SIN3A: variants seen among roughly 807,000 people sequenced by gnomAD.
The protein encoded by SIN3A is SIN3 transcription regulator family member A, also known as paired amphipathic helix protein Sin3a.
A neutral mutation model predicts 146.1 loss-of-function variants in SIN3A; 14 were observed. The observed-to-expected ratio is 0.10, with a 90% CI of 0.06 to 0.15. SIN3A has a LOEUF of 0.15. Ranked by LOEUF, SIN3A falls within the 10% of genes least tolerant of loss-of-function variation. The probability of loss-of-function intolerance (pLI) is 1.00; values close to 1 mark genes in which losing one functional copy is unlikely to be tolerated. For missense variants in SIN3A, 1,028 were observed against 1,576.0 expected, an observed-to-expected ratio of 0.65 and a Z score of 5.89; for synonymous variants, 572 against 572.0, an observed-to-expected ratio of 1.00 and a Z score of 0.00.
At position 75,403,710 on chromosome 15, in the gene SIN3A, T is replaced by G. The variant is rs191256560; in HGVS notation, c.1408-1740A>C. 2.2e-3 allele frequency among the ~76,000 whole-genome samples: 328 copies of G among 151,658 alleles called. 2 individuals carry two copies. The highest frequency in any genetic ancestry group is 7.4e-3 in the African/African-American group (305 of 41,392). Reference sequence around the variant, plus strand: ...CACCTGCCACAACGCCCAGCTAATGTTTTTTTTGTATTTTTAGTAGAGACG... The same window carrying G: ...CACCTGCCACAACGCCCAGCTAATGGTTTTTTTGTATTTTTAGTAGAGACG... On this transcript the variant is annotated intron_variant, in intron 9 of 20. Transcript: ENST00000394947.
At chr15:75,428,871 T>A (rs567721974) in intron 2 of SIN3A, among the ~76,000 whole-genome samples, 1 of 152,204 alleles carries the variant, frequency 6.6e-6, no homozygotes, top group Non-Finnish European at 1.5e-5. Context: ...TAACCCTTCA[T>A]CTTCTTTCTC....
At chr15:75,419,955 T>C (rs899685828) in intron 3 of SIN3A, 1 of 152,176 alleles carries the variant, frequency 6.6e-6, no homozygotes, top group Non-Finnish European at 1.5e-5. Context: ...ACCTAAAGCA[T>C]AGTCCAACTC....
At position 75,410,136 on chromosome 15, in the gene SIN3A, C is replaced by T. The variant is rs1010772312; in HGVS notation, c.1159G>A (p.Val387Met). 3.1e-6 allele frequency: 5 copies of T among 1,613,674 alleles called. No homozygotes were observed. The highest frequency in any genetic ancestry group is 1.7e-5 in the Admixed American group (1 of 59,952). Residue 387 changes from valine (V) to methionine (M), a missense_variant and splice_region_variant, in exon 7 of 21, where the codon GTG (valine) becomes ATG (methionine). Around this residue, in one of 9 missense-constraint regions of SIN3A, gnomAD observed 40 missense variants for 74.0 expected, o/e 0.54. Transcript: ENST00000394947. ...TAATTCTTATTAAAAAAACATACCA[C>T]GGAGCTGTTGGCATCTGGTAGGAAT... ...GQFLPDANSSVLLSKTTAEKV... is the reference protein window; with the variant it reads ...GQFLPDANSSMLLSKTTAEKV...
chr15:75,413,523 C>T (rs922664920), intron 4 of SIN3A, among the ~76,000 whole-genome samples: 2 of 151,060 alleles, frequency 1.3e-5, no homozygotes, highest in African/African-American at 4.9e-5. Flanking sequence ...TAGTTTTAGA[C>T]TCAAAGATAC....
intron 1 of SIN3A, among the ~76,000 whole-genome samples, chr15:75,450,854 G>GCCT (rs1334952736): frequency 1.3e-5 from 2 of 152,220 alleles, no homozygotes; most frequent in Non-Finnish European, 2.9e-5. Context: ...TTGCCAAGGA[G>GCCT]GCGGAAACCC....
At chr15:75,427,596 G>T (rs1294154821) in intron 2 of SIN3A, among the ~76,000 whole-genome samples, 2 of 151,990 alleles carry the variant, frequency 1.3e-5, no homozygotes, top group Non-Finnish European at 2.9e-5. Flanking sequence ...GAAGGCAGAG[G>T]CTGCACTGAG....
rs750028129 is a variant in SIN3A at position 75,411,507 on chromosome 15, A to T, written c.993T>A (p.Ile331=). ...CACTCCTTACCTGATATGTGTGCAA[A>T]ATCTCCAGGAATGCTTTGTAGATGT... is the stretch of plus-strand genomic sequence containing the variant. The part of the protein sequence containing the change: ...QPDIYKAFLE[I]LHTYQKEQRN... The change falls in exon 6 of 21, where the codon ATT becomes ATA. Residue 331 remains isoleucine, a synonymous_variant. Transcript: ENST00000394947. The T allele has an allele frequency of 6.2e-7, 1 of 1,613,926 alleles. No homozygotes were observed. The highest frequency in any genetic ancestry group is 8.5e-7 in the Non-Finnish European group (1 of 1,179,888).
chr15:75,442,824 T>C (rs1252268901), intron 1 of SIN3A, among the ~76,000 whole-genome samples: 4 of 148,382 alleles, frequency 2.7e-5, no homozygotes. Context: ...CCCAGCTACT[T>C]GGGAGGCTAA....
At chr15:75,425,192 A>G (rs1158767894) in intron 2 of SIN3A, among the ~76,000 whole-genome samples, 1 of 152,158 alleles carries the variant, frequency 6.6e-6, no homozygotes, top group Non-Finnish European at 1.5e-5. Flanking sequence ...TTTGTTTTTG[A>G]AACACTCTCG....
chr15:75,439,662 G>A (rs994330902), intron 1 of SIN3A, among the ~76,000 whole-genome samples: 1 of 151,608 alleles, frequency 6.6e-6, no homozygotes, highest in Non-Finnish European at 1.5e-5. Flanking sequence ...CTTCTTTTAC[G>A]GCATATGATA....
chr15:75,395,967 T>C (rs2073295183), intron 13 of SIN3A, among the ~76,000 whole-genome samples: 1 of 152,144 alleles, frequency 6.6e-6, no homozygotes, highest in Non-Finnish European at 1.5e-5. Context: ...GTCCTGAGTG[T>C]GGCAGGAACA....
chr15:75,447,069 T>C (rs982666837), intron 1 of SIN3A, among the ~76,000 whole-genome samples: 9 of 152,174 alleles, frequency 5.9e-5, no homozygotes, highest in Non-Finnish European at 4.4e-5. Flanking sequence ...GCCCAGCTCA[T>C]TACAGACATA....
At chr15:75,423,191 T>C (rs555589297) in intron 2 of SIN3A, among the ~76,000 whole-genome samples, 48 of 152,190 alleles carry the variant, frequency 3.2e-4, no homozygotes, top group African/African-American at 1.1e-3. Context: ...AGGAGGAGGA[T>C]TGCTTGAGTC....
intron 9 of SIN3A, among the ~76,000 whole-genome samples, chr15:75,403,149 G>A (rs894883221): frequency 1.3e-5 from 2 of 151,778 alleles, no homozygotes; most frequent in African/African-American, 2.4e-5. Context: ...CCAGCTGGGC[G>A]CAGTGGCTCA....
intron 1 of SIN3A, among the ~76,000 whole-genome samples, chr15:75,449,765 C>A (rs1045975344): frequency 6.6e-6 from 1 of 152,130 alleles, no homozygotes; most frequent in Non-Finnish European, 1.5e-5. Context: ...ATAGCAAATT[C>A]TTTAGGAAAC....
intron 1 of SIN3A, among the ~76,000 whole-genome samples, chr15:75,440,567 C>T (rs2074189827): frequency 6.6e-6 from 1 of 152,022 alleles, no homozygotes; most frequent in South Asian, 2.1e-4. Context: ...TCCGTACTTT[C>T]CTGGACACTG....
Position 75,375,827 on chromosome 15 carries a change from C to G in SIN3A, c.3429G>C (p.Gln1143His). 1.2e-6 allele frequency: 2 copies of G among 1,614,168 alleles called. No homozygotes were observed. ...TGTTTCCTTCCTTCCCTTCCTTTTC[C>G]TGCTGCTCTCGACCACGTTGACACT... The part of the protein sequence containing the change: ...IRKCQRGREQ[Q>H]EKEGKEGNSK... The change falls in exon 20 of 21, where the codon CAG (glutamine) becomes CAC (histidine). Residue 1143 changes from glutamine to histidine, a missense_variant. By Grantham distance (24) the Gln-to-His change is conservative (BLOSUM62 0). This residue lies in a region of SIN3A where 488 missense variants were observed against 690.2 expected (regional missense o/e 0.71). Transcript: ENST00000394947.
rs2073230356 is a variant in SIN3A, at chr15:75,392,758, G to A, written c.2335C>T (p.Leu779Phe). 5 of 1,614,124 alleles carry A rather than the reference G, an allele frequency of 3.1e-6. No individual in the cohort carries two copies. The highest frequency in any genetic ancestry group is 4.2e-6 in the Non-Finnish European group (5 of 1,180,032). The change falls in exon 15 of 21, where the codon CTT (leucine) becomes TTT (phenylalanine). Residue 779 changes from leucine (L) to phenylalanine (F), a missense_variant. Around this residue, in one of 9 missense-constraint regions of SIN3A, gnomAD observed 488 missense variants for 690.2 expected, o/e 0.71. Coordinates refer to ENST00000394947, the MANE Select transcript of SIN3A (RefSeq NM_001145358.2). ...AGTATTTGTTTGTCTTCATACGCAAGTGAGAGGTGTGGGCCAACAGGTACA... is the reference window on the plus strand; with the variant it reads ...AGTATTTGTTTGTCTTCATACGCAAATGAGAGGTGTGGGCCAACAGGTACA... ...AGVPVGPHLS[L>F]AYEDKQILED... is the part of the protein sequence containing the mutation.
chr15:75,389,897 C>T (rs1341310791), intron 15 of SIN3A, 76 bp from the exon 16 acceptor site: 13 of 1,417,776 alleles, frequency 9.2e-6, no homozygotes, highest in Non-Finnish European at 1.3e-5. Context: ...GCAAATCCCA[C>T]AGCTGGCCTA....
Sources: allele counts gnomAD v4.1 joint callset (sites outside exome capture counted in the v4.1 genomes callset), GRCh38; gene constraint gnomAD v4.1.1; regional missense constraint gnomAD v4.1.1; transcripts MANE v1.5; gene names NCBI Gene and HGNC (gene_info 2026-07-23, HGNC 2026-07-21).